PFKFB3: variants seen among roughly 807,000 people sequenced by gnomAD.
PFKFB3 encodes 6-phosphofructo-2-kinase/fructose-2,6-biphosphatase 3.
A neutral mutation model predicts 68.0 loss-of-function variants in PFKFB3; 33 were observed. The ratio of observed to expected loss-of-function variants is 0.49; its 90% CI spans 0.37 to 0.65. PFKFB3 has a LOEUF of 0.65. Among genes scored for constraint, PFKFB3 ranks in the 30% least tolerant of loss-of-function variants. PFKFB3 has a pLI of 0.00. For missense variants in PFKFB3, 586 were observed against 712.2 expected (o/e 0.82, Z 2.02); for synonymous variants, 315 against 288.2 (o/e 1.09, Z -0.94).
At position 6,232,979 on chromosome 10, in the gene PFKFB3, C is replaced by G; in HGVS notation, c.*37C>G. ...CGGTTCCATTCCATTTCCATTTCTG[C>G]AGCTTAGCTTGTGTCCTGCCCTCCG... On this transcript the variant is annotated 3_prime_UTR_variant, in exon 15 of 15. Coordinates refer to ENST00000379775, the MANE Select transcript of PFKFB3 (RefSeq NM_004566.4). 1 of 1,562,122 alleles carries G rather than the reference C, an allele frequency of 6.4e-7. No homozygotes were observed. The highest frequency in any genetic ancestry group is 8.8e-7 in the Non-Finnish European group (1 of 1,132,868).
chr10:6,219,582 C>A lies in PFKFB3; in HGVS notation c.512C>A (p.Ser171Tyr), dbSNP rs769828653. 2 of 1,614,020 alleles carry A rather than the reference C, an allele frequency of 1.2e-6. No individual in the cohort carries two copies. Among genetic ancestry groups the A allele is most frequent in the Non-Finnish European group, 1.7e-6 (2 of 1,179,938 alleles). The change falls in exon 7 of 15, where the codon TCC (serine) becomes TAC (tyrosine). Residue 171 changes from serine (S) to tyrosine (Y), a missense_variant. Transcript: ENST00000379775. ...VASNIMEVKI[S>Y]SPDYKDCNSA... is the part of the protein sequence containing the mutation. ...GTGGTGTTGCAGGAAGTTAAAATCTCCAGCCCGGATTACAAAGACTGCAAC... is the reference window on the plus strand; with the variant it reads ...GTGGTGTTGCAGGAAGTTAAAATCTACAGCCCGGATTACAAAGACTGCAAC...
In PFKFB3 at chr10:6,229,203, T is replaced by TGGTGGCAAAGGGGTGAA. The variant is rs1845569344; in HGVS notation, c.1515+2841_1515+2857dup. 5.9e-6 allele frequency: 3 copies of TGGTGGCAAAGGGGTGAA among 512,390 alleles called. No homozygotes were observed. Among genetic ancestry groups the TGGTGGCAAAGGGGTGAA allele is most frequent in the Non-Finnish European group, 1.2e-5 (3 of 249,202 alleles). 31.7% of individuals were successfully genotyped at this position (512,390 alleles called of 1,614,324 possible). The stretch of plus-strand genomic sequence containing the variant: ...GAGGTTTGGCATGGCGCTCAGATTT[T>TGGTGGCAAAGGGGTGAA]GGTGGCAAAGGGGTGAAGGGCCAGA... On this transcript the variant is annotated intron_variant, in intron 14 of 14. Transcript: ENST00000379775. This position sits in a 1 kb window ranked among gnomAD's most constrained non-coding sequence, Gnocchi z 4.3.
chr10:6,145,123 C>T (rs977771965), intron 1 of PFKFB3: 4 of 910,396 alleles, frequency 4.4e-6, no homozygotes, highest in Middle Eastern at 3.6e-4. Context: ...GCACTGTGCA[C>T]CCGGGCTGCG....
At chr10:6,285,425 G>T in the PFKFB3 span, among the ~76,000 whole-genome samples, 1 of 152,036 alleles carries the variant, frequency 6.6e-6, no homozygotes, top group Non-Finnish European at 1.5e-5. Flanking sequence ...TAGAGACGGG[G>T]TTTTACCATG....
At position 6,150,747 on chromosome 10, in the gene PFKFB3, C is replaced by T. The variant is rs191792095; in HGVS notation, c.16+5734C>T. On this transcript the variant is annotated intron_variant, in intron 1 of 14. Coordinates refer to the PFKFB3 transcript ENST00000379789. The stretch of plus-strand genomic sequence containing the variant: ...GCGTGGTGGCTCACGCCTGTAATCC[C>T]AGCTCTTCGGGAGGCCGAGGCGAGT... Among the ~76,000 whole-genome samples, 255 of 152,282 alleles carry T rather than the reference C, an allele frequency of 1.7e-3. 1 individual carries two copies. Among genetic ancestry groups the T allele is most frequent in the African/African-American group, 6.0e-3 (248 of 41,558 alleles).
chr10:6,195,144 T>A (rs901180691), intron 1 of PFKFB3, among the ~76,000 whole-genome samples: 12 of 152,160 alleles, frequency 7.9e-5, no homozygotes, highest in African/African-American at 2.7e-4. Context: ...AGTGCTGGGA[T>A]TACAGGCGTG....
At chr10:6,244,733 C>A (rs927703448) in intron 14 of PFKFB3, among the ~76,000 whole-genome samples, 2 of 148,604 alleles carry the variant, frequency 1.3e-5, no homozygotes, top group Admixed American at 1.4e-4. Context: ...GATATAAGCA[C>A]GTTGGACTGG....
chr10:6,222,469 C>G (rs1354318503), intron 10 of PFKFB3, among the ~76,000 whole-genome samples: 1 of 152,228 alleles, frequency 6.6e-6, no homozygotes, highest in Non-Finnish European at 1.5e-5. Flanking sequence ...TCCCTCACTG[C>G]ACAAAGAAAC....
the PFKFB3 span, among the ~76,000 whole-genome samples, chr10:6,323,893 A>C: frequency 1.3e-5 from 2 of 152,220 alleles, no homozygotes; most frequent in African/African-American, 2.4e-5. Context: ...TGATTCCGCC[A>C]TTCTACTTCT....
Position 6,229,061 on chromosome 10 carries a change from C to G in PFKFB3, c.1515+2696C>G, listed in dbSNP as rs1263988609. 1 of 514,180 alleles carries G rather than the reference C, an allele frequency of 1.9e-6. No homozygotes were observed. The highest frequency in any genetic ancestry group is 2.1e-5 in the Admixed American group (1 of 48,450). 31.9% of individuals were successfully genotyped at this position (514,180 alleles called of 1,614,324 possible). ...TTGCCCCCCCAAAAACACACCCGCC[C>G]CTTTATTTCCTGTTTGCTCCTTAAG... On this transcript the variant is annotated intron_variant, in intron 14 of 14. Transcript: ENST00000379775. This position sits in a 1 kb window ranked among gnomAD's most constrained non-coding sequence, Gnocchi z 4.3.
the PFKFB3 span, among the ~76,000 whole-genome samples, chr10:6,294,997 T>C: frequency 2.0e-5 from 3 of 151,872 alleles, no homozygotes; most frequent in African/African-American, 7.3e-5. Context: ...TATCATGCCT[T>C]GTAATTTTCT....
At chr10:6,254,725 G>T (rs1846462047), downstream of PFKFB3, 1 of 174,978 alleles carries the variant, frequency 5.7e-6, no homozygotes, top group African/African-American at 2.4e-5. Context: ...TTTAAGAGAG[G>T]CCAGGCTAAG....
chr10:6,213,544 T>G, intron 1 of PFKFB3, 79 bp from the exon 2 acceptor site: 1 of 1,466,804 alleles, frequency 6.8e-7, no homozygotes, highest in Non-Finnish European at 9.3e-7. Context: ...AATTCTTCAG[T>G]GTTATTGTTG....
intron 1 of PFKFB3, chr10:6,163,846 C>T (rs118133512): frequency 0.011 from 1,617 of 152,088 alleles, 67 homozygotes; most frequent in East Asian, 0.094. Context: ...CGCCGCGCGG[C>T]CCCAGCCTGC....
chr10:6,179,889 C>T (rs867649931), intron 1 of PFKFB3, among the ~76,000 whole-genome samples: 3 of 152,202 alleles, frequency 2.0e-5, no homozygotes, highest in South Asian at 4.2e-4. Context: ...CCGTTGAGCC[C>T]CCAGAGTGAC....
At chr10:6,177,412 T>TTTCTTTCTTCC (rs1449627721) in intron 1 of PFKFB3, among the ~76,000 whole-genome samples, 1 of 70,196 alleles carries the variant, frequency 1.4e-5, no homozygotes, top group Non-Finnish European at 3.1e-5. Flanking sequence ...TTCTTTCTTC[T>TTTCTTTCTTCC]TTCTCTTTCT....
chr10:6,252,758 T>G (rs956055976), intron 14 of PFKFB3, among the ~76,000 whole-genome samples: 5 of 152,228 alleles, frequency 3.3e-5, no homozygotes, highest in African/African-American at 1.2e-4. Flanking sequence ...TATAATTCCA[T>G]TCATGTCTCT....
the PFKFB3 span, among the ~76,000 whole-genome samples, chr10:6,278,991 C>T: frequency 4.6e-5 from 7 of 152,176 alleles, no homozygotes; most frequent in Non-Finnish European, 5.9e-5. Context: ...AGGGCTGCGG[C>T]GAGAATTCAC....
the PFKFB3 span, among the ~76,000 whole-genome samples, chr10:6,303,077 A>C: frequency 6.6e-6 from 1 of 152,278 alleles, no homozygotes; most frequent in African/African-American, 2.4e-5. Context: ...TGGCTTTATA[A>C]AGCACAAATA....
Sources: gnomAD v4.1 joint callset for allele counts (sites outside exome capture counted in the v4.1 genomes callset) on GRCh38, gnomAD v4.1.1 for gene constraint, Gnocchi (gnomAD v3.1) non-coding constraint, MANE v1.5 for transcripts, NCBI Gene and HGNC (gene_info 2026-07-23, HGNC 2026-07-21) for gene names.